Variants in FHIT observed in about 807,000 individuals in gnomAD.
FHIT encodes the protein bis(5'-adenosyl)-triphosphatase.
Under a neutral mutation model 17.9 loss-of-function variants are expected in FHIT, and 19 were observed. The ratio of observed to expected loss-of-function variants is 1.06; its 90% CI spans 0.74 to 1.56. The LOEUF (loss-of-function observed/expected upper bound fraction) is 1.56. FHIT is among the 40% of genes most tolerant of loss of function. The probability of loss-of-function intolerance (pLI) is 0.00; values close to 1 mark genes in which losing one functional copy is unlikely to be tolerated. For missense variants in FHIT, 248 were observed against 189.2 expected, an observed-to-expected ratio of 1.31 and a Z score of -1.82; for synonymous variants, 81 against 69.7, an observed-to-expected ratio of 1.16 and a Z score of -0.81.
intron 4 of FHIT, among the ~76,000 whole-genome samples, chr3:60,613,903 A>G (rs2038861733): frequency 2.0e-5 from 3 of 152,146 alleles, no homozygotes; most frequent in Admixed American, 6.6e-5. Flanking sequence ...GAAGAAATCA[A>G]TGAAGTAGGA....
chr3:60,578,440 A>AACACACACACACACAC (rs71748891), intron 4 of FHIT, among the ~76,000 whole-genome samples: 65 of 144,396 alleles, frequency 4.5e-4, no homozygotes, highest in African/African-American at 1.2e-3. Context: ...CCATCTACAA[A>AACACACACACACACAC]ACACACACAC....
chr3:60,085,678 T>C (rs549410147), intron 5 of FHIT, among the ~76,000 whole-genome samples: 11 of 152,308 alleles, frequency 7.2e-5, no homozygotes, highest in African/African-American at 1.7e-4. Context: ...GGTCAGAAGA[T>C]ACATCTCCAA....
intron 7 of FHIT, among the ~76,000 whole-genome samples, chr3:59,942,642 C>G (rs1344260867): frequency 6.6e-6 from 1 of 151,986 alleles, no homozygotes; most frequent in Non-Finnish European, 1.5e-5. Flanking sequence ...TGGATTACAG[C>G]CCTTAGTTCT....
At chr3:60,358,592 C>A (rs996940252) in intron 5 of FHIT, among the ~76,000 whole-genome samples, 32 of 152,166 alleles carry the variant, frequency 2.1e-4, no homozygotes, top group African/African-American at 6.5e-4. Context: ...TAAACAAAAT[C>A]AGCTTTATTT....
intron 5 of FHIT, among the ~76,000 whole-genome samples, chr3:60,460,440 C>T (rs963920373): frequency 6.6e-6 from 1 of 151,350 alleles, no homozygotes; most frequent in African/African-American, 2.4e-5. Context: ...CATGAGGAAA[C>T]ATCAAGAACC....
At chr3:61,175,822 C>T (rs6768933) in intron 2 of FHIT, among the ~76,000 whole-genome samples, 6,935 of 152,224 alleles carry the variant, frequency 0.046, 508 homozygotes, top group East Asian at 0.27. Context: ...TCTTGGACTT[C>T]TCAGCCTCCA....
At chr3:60,652,727 C>CAAAAAAAA (rs782637479) in intron 4 of FHIT, among the ~76,000 whole-genome samples, 11 of 59,006 alleles carry the variant, frequency 1.9e-4, no homozygotes, top group Non-Finnish European at 3.3e-4. Flanking sequence ...GACTCCATCT[C>CAAAAAAAA]AAAAAAAAAA....
In FHIT at chr3:60,757,781, A is replaced by C. The variant is rs554819669; in HGVS notation, c.-18+64138T>G. Reference sequence around the variant, plus strand: ...GCTGTTGAATGATTCAGTCTTCAACAAGGGAACAACATGAACAGATTGGTG... The same window carrying C: ...GCTGTTGAATGATTCAGTCTTCAACCAGGGAACAACATGAACAGATTGGTG... On this transcript the variant is annotated intron_variant, in intron 4 of 9. Transcript: ENST00000492590. Among the ~76,000 whole-genome samples the C allele has an allele frequency of 5.3e-5, 8 of 152,334 alleles. 1 individual carries two copies. In the South Asian group the frequency reaches 1.7e-3, roughly 32 times the overall value.
intron 2 of FHIT, among the ~76,000 whole-genome samples, chr3:61,199,226 G>A (rs2106665580): frequency 6.6e-6 from 1 of 152,282 alleles, no homozygotes; most frequent in East Asian, 1.9e-4. Flanking sequence ...CTGTGCCTGT[G>A]TGGAAACATT....
intron 3 of FHIT, among the ~76,000 whole-genome samples, chr3:60,852,211 T>G (rs1703183042): frequency 6.6e-6 from 1 of 152,122 alleles, no homozygotes; most frequent in African/African-American, 2.4e-5. Flanking sequence ...GATTGTGTCC[T>G]GCCTTTGGAC....
intron 5 of FHIT, among the ~76,000 whole-genome samples, chr3:60,368,977 CTT>C (rs1263718065): frequency 1.3e-5 from 2 of 148,408 alleles, no homozygotes; most frequent in East Asian, 2.1e-4. Context: ...TTTCTTTTCT[CTT>C]TGTTTTTTTT....
intron 3 of FHIT, among the ~76,000 whole-genome samples, chr3:60,862,321 A>G (rs1283580461): frequency 1.3e-5 from 2 of 152,040 alleles, no homozygotes; most frequent in Non-Finnish European, 2.9e-5. Flanking sequence ...TTGCACCACC[A>G]TGCCCAGCTA....
chr3:61,042,989 G>C (rs552291788), intron 2 of FHIT, among the ~76,000 whole-genome samples: 1 of 152,092 alleles, frequency 6.6e-6, no homozygotes, highest in Non-Finnish European at 1.5e-5. Flanking sequence ...ACAGGGAGAG[G>C]TTCCAAGATG....
intron 8 of FHIT, among the ~76,000 whole-genome samples, chr3:59,884,204 T>C (rs978438393): frequency 2.0e-5 from 3 of 152,226 alleles, no homozygotes; most frequent in African/African-American, 7.2e-5. Context: ...AAAAGCATTC[T>C]GTGAGAATCA....
chr3:60,504,164 C>A (rs1329547236), intron 5 of FHIT, among the ~76,000 whole-genome samples: 1 of 152,128 alleles, frequency 6.6e-6, no homozygotes, highest in Non-Finnish European at 1.5e-5. Context: ...GGCCGGGCAG[C>A]GTGCCTCACG....
At position 60,904,132 on chromosome 3, in the gene FHIT, T is replaced by G. The variant is rs144986799; in HGVS notation, c.-110-82121A>C. On this transcript the variant is annotated intron_variant, in intron 3 of 9. Transcript: ENST00000492590. Reference sequence around the variant, plus strand: ...GCAAATTTGTAAGACATTTCATCTATTTAGATTTTCATTTATTCATCCATC... The same window carrying G: ...GCAAATTTGTAAGACATTTCATCTAGTTAGATTTTCATTTATTCATCCATC... Among the ~76,000 whole-genome samples, 270 of 152,352 alleles carry G rather than the reference T, an allele frequency of 1.8e-3. 2 individuals carry two copies. The highest frequency in any genetic ancestry group is 6.1e-3 in the African/African-American group (253 of 41,582).
chr3:60,434,753 G>C (rs1013404366), intron 5 of FHIT, among the ~76,000 whole-genome samples: 1 of 151,968 alleles, frequency 6.6e-6, no homozygotes, highest in African/African-American at 2.4e-5. Context: ...CCTGCATTTT[G>C]CCTAATTATT....
Position 60,248,406 on chromosome 3 carries a change from T to C in FHIT, c.104-234254A>G, listed in dbSNP as rs144077655. On this transcript the variant is annotated intron_variant, in intron 5 of 9. Coordinates refer to ENST00000492590, the MANE Select transcript of FHIT (RefSeq NM_002012.4). ...TAGAGGAATGCTAGCCTGCATTTAATTGTATAATATTTCCCCTTCAGGGTG... is the reference window on the plus strand; with the variant it reads ...TAGAGGAATGCTAGCCTGCATTTAACTGTATAATATTTCCCCTTCAGGGTG... 1.7e-3 allele frequency among the ~76,000 whole-genome samples: 259 copies of C among 152,272 alleles called. 1 individual carries two copies. Among genetic ancestry groups the C allele is most frequent in the African/African-American group, 5.2e-3 (218 of 41,560 alleles).
At chr3:61,032,435 C>G (rs962025499) in intron 3 of FHIT, among the ~76,000 whole-genome samples, 11 of 152,292 alleles carry the variant, frequency 7.2e-5, no homozygotes, top group East Asian at 1.9e-4. Context: ...GTTTTATATT[C>G]TCTATCCTGA....
Sources: allele counts gnomAD v4.1 joint callset (sites outside exome capture counted in the v4.1 genomes callset), GRCh38; gene constraint gnomAD v4.1.1; transcripts MANE v1.5; gene names NCBI Gene and HGNC (gene_info 2026-07-23, HGNC 2026-07-21).